Variants in RARB observed in about 807,000 individuals in gnomAD.
RARB encodes the protein retinoic acid receptor beta.
Under a neutral mutation model 51.9 loss-of-function variants are expected in RARB, and 17 were observed. The observed-to-expected ratio is 0.33, with a 90% CI of 0.22 to 0.49. The LOEUF (loss-of-function observed/expected upper bound fraction) is 0.49, where lower values mean the gene tolerates loss of function less well. Ranked by LOEUF, RARB falls within the 20% of genes least tolerant of loss-of-function variation. The pLI is 0.99. For missense variants in RARB, 369 were observed against 550.8 expected (o/e 0.67, Z 3.30); for synonymous variants, 215 against 195.4 (o/e 1.10, Z -0.84).
Position 25,128,844 on chromosome 3 carries a change from C to G in RARB, c.-327-3317C>G, listed in dbSNP as rs542087939. Among the ~76,000 whole-genome samples, 4 of 151,940 alleles carry G rather than the reference C, an allele frequency of 2.6e-5. No individual in the cohort carries two copies. In the South Asian group the frequency reaches 6.2e-4, roughly 24 times the overall value. The stretch of plus-strand genomic sequence containing the variant: ...GAAGAGATATAGAAAAAAAATCAAA[C>G]ATTGTAATAATAAAAACTCAATGAG... On this transcript the variant is annotated intron_variant, in intron 3 of 11. Coordinates refer to the RARB transcript ENST00000383772.
intron 5 of RARB, among the ~76,000 whole-genome samples, chr3:25,405,793 C>A (rs894213583): frequency 5.9e-5 from 9 of 152,160 alleles, no homozygotes; most frequent in African/African-American, 1.9e-4. Context: ...GACAATGCTG[C>A]TCTGAAAGTT....
At chr3:25,460,067 T>A (rs1204744272) in intron 1 of RARB, among the ~76,000 whole-genome samples, 2 of 152,200 alleles carry the variant, frequency 1.3e-5, no homozygotes, top group South Asian at 2.1e-4. Context: ...ATTATTTTTT[T>A]AATCTAGAAT....
chr3:25,381,339 T>G (rs1234161340), intron 5 of RARB, among the ~76,000 whole-genome samples: 1 of 152,176 alleles, frequency 6.6e-6, no homozygotes, highest in African/African-American at 2.4e-5. Flanking sequence ...GGCAATGTAG[T>G]ACAGTGGCTG....
At chr3:25,150,007 A>G (rs1156911611) in intron 4 of RARB, among the ~76,000 whole-genome samples, 13 of 152,042 alleles carry the variant, frequency 8.6e-5, no homozygotes, top group Non-Finnish European at 2.9e-5. Context: ...TTTGAGACCA[A>G]CATGACCGAT....
chr3:24,964,257 A>C (rs1474214205), intron 2 of RARB, among the ~76,000 whole-genome samples: 1 of 152,122 alleles, frequency 6.6e-6, no homozygotes, highest in Admixed American at 6.5e-5. Flanking sequence ...ATAGGAATTG[A>C]TATTTTGTAG....
rs533924677 is a variant in RARB, at chr3:25,168,343, G to A, written c.-279-5776G>A. On this transcript the variant is annotated intron_variant, in intron 4 of 11. Coordinates refer to the RARB transcript ENST00000383772. The stretch of plus-strand genomic sequence containing the variant: ...TCAAGCAATTGATTCTCCTGCCTCA[G>A]CCTCCCAAGTAGCTGGGATTACAGG... Among the ~76,000 whole-genome samples the A allele has an allele frequency of 2.0e-5, 3 of 152,172 alleles. No individual in the cohort carries two copies. In the East Asian group the frequency reaches 5.8e-4, roughly 29 times the overall value.
chr3:25,293,060 G>A (rs1703827492), intron 5 of RARB, among the ~76,000 whole-genome samples: 1 of 152,142 alleles, frequency 6.6e-6, no homozygotes, highest in South Asian at 2.1e-4. Context: ...AGAATCCAAT[G>A]CAGACAAAAG....
At chr3:25,075,264 C>T (rs1473565962) in intron 3 of RARB, among the ~76,000 whole-genome samples, 1 of 152,122 alleles carries the variant, frequency 6.6e-6, no homozygotes, top group Non-Finnish European at 1.5e-5. Flanking sequence ...CATGCAGATC[C>T]AGCTCTGCTT....
intron 3 of RARB, among the ~76,000 whole-genome samples, chr3:25,104,655 G>GA (rs1013827757): frequency 1.7e-4 from 25 of 151,332 alleles, no homozygotes; most frequent in Non-Finnish European, 2.9e-4. Context: ...AAAGAGAAAA[G>GA]AAAAAAATCT....
chr3:25,301,832 C>A (rs1442003738), intron 5 of RARB, among the ~76,000 whole-genome samples: 1 of 152,210 alleles, frequency 6.6e-6, no homozygotes, highest in Non-Finnish European at 1.5e-5. Flanking sequence ...GGCATAGATG[C>A]CAGACCATTG....
chr3:25,586,398 C>T (rs529443273), intron 5 of RARB, among the ~76,000 whole-genome samples: 22 of 152,200 alleles, frequency 1.4e-4, no homozygotes, highest in African/African-American at 5.3e-4. Flanking sequence ...GGTTGGTCGC[C>T]GTGGCAGGGT....
At chr3:25,111,734 A>G (rs1434467365) in intron 3 of RARB, among the ~76,000 whole-genome samples, 1 of 151,868 alleles carries the variant, frequency 6.6e-6, no homozygotes, top group Non-Finnish European at 1.5e-5. Context: ...ACCCGCCACC[A>G]TGCCCAGCTA....
rs1700632008 is a variant in RARB, at chr3:25,569,640, T to G, written c.449-118T>G. On this transcript the variant is annotated intron_variant, in intron 3 of 7. Coordinates refer to ENST00000330688, the MANE Select transcript of RARB (RefSeq NM_000965.5). ...GTGTGTTATTACCACCTCTTCCCAC[T>G]GTTTCTGTCCCAAATATCAAATGAG... 6 of 1,222,502 alleles carry G rather than the reference T, an allele frequency of 4.9e-6. No individual in the cohort carries two copies. The Admixed American group carries it at 9.3e-5, about 19-fold the overall frequency. The allele number at this position is 1,222,502 out of a possible 1,614,324, so 75.7% of individuals were successfully genotyped here.
chr3:25,055,623 T>C (rs909073791), intron 2 of RARB, among the ~76,000 whole-genome samples: 7 of 151,990 alleles, frequency 4.6e-5, no homozygotes, highest in Admixed American at 2.0e-4. Flanking sequence ...GTGATGAAGA[T>C]TGGGGGAAAA....
chr3:25,379,182 C>A (rs1274632446), intron 5 of RARB, among the ~76,000 whole-genome samples: 1 of 152,120 alleles, frequency 6.6e-6, no homozygotes, highest in Non-Finnish European at 1.5e-5. Context: ...AAGCATCACA[C>A]GTTGACAGGT....
At chr3:25,208,768 C>T (rs1046836991) in intron 5 of RARB, among the ~76,000 whole-genome samples, 1 of 152,074 alleles carries the variant, frequency 6.6e-6, no homozygotes, top group Non-Finnish European at 1.5e-5. Flanking sequence ...ATGTTGGCTG[C>T]CAAGTTCCCA....
intron 3 of RARB, among the ~76,000 whole-genome samples, chr3:25,562,658 G>A (rs1700320881): frequency 1.3e-5 from 2 of 152,126 alleles, no homozygotes; most frequent in African/African-American, 4.8e-5. Flanking sequence ...TTGAACTTAG[G>A]ATATTTCTTA....
rs753321842 is a variant in RARB at position 25,500,454 on chromosome 3, G to GTTTTTTTTTTTTTTTTTTTTTTTTTTTTT, written c.307-701_307-700insTTTTTTTTTTTTTTTTTTTTTTTTTTTTT. Among the ~76,000 whole-genome samples, 215 of 66,128 alleles carry GTTTTTTTTTTTTTTTTTTTTTTTTTTTTT rather than the reference G, an allele frequency of 3.3e-3. 6 individuals carry two copies. Among genetic ancestry groups the GTTTTTTTTTTTTTTTTTTTTTTTTTTTTT allele is most frequent in the Non-Finnish European group, 4.9e-3 (172 of 34,954 alleles). The allele number at this position is 66,128 out of a possible 152,430, so 43.4% of individuals were successfully genotyped here. A position where few individuals can be genotyped will look rare whatever the true frequency, so the allele number is the denominator to read the frequency against. ...ATAATTTCTTTTTCTTTCTTTTCTT[G>GTTTTTTTTTTTTTTTTTTTTTTTTTTTTT]TTTTTTTTTTTTTTTTTTTTTTTTT... is the stretch of plus-strand genomic sequence containing the variant. On this transcript the variant is annotated intron_variant, in intron 2 of 7. Coordinates refer to ENST00000330688, the MANE Select transcript of RARB (RefSeq NM_000965.5).
intron 5 of RARB, among the ~76,000 whole-genome samples, chr3:25,265,286 G>A (rs908829498): frequency 6.6e-6 from 1 of 152,158 alleles, no homozygotes; most frequent in Non-Finnish European, 1.5e-5. Flanking sequence ...TTCATGGAAT[G>A]AGTTTATAAA....
Sources: allele counts gnomAD v4.1 joint callset (sites outside exome capture counted in the v4.1 genomes callset), GRCh38; gene constraint gnomAD v4.1.1; transcripts MANE v1.5; gene names NCBI Gene and HGNC (gene_info 2026-07-23, HGNC 2026-07-21).